The following PHKG1 variants were observed in gnomAD, a reference collection of about 807,000 sequenced individuals.
The protein encoded by PHKG1 is phosphorylase b kinase gamma catalytic chain, skeletal muscle/heart isoform.
PHKG1 carries 48 observed loss-of-function variants against 50.5 expected under a neutral mutation model. The observed-to-expected ratio is 0.95, with a 90% CI of 0.75 to 1.21. PHKG1 has a LOEUF of 1.21. Ranked by LOEUF, PHKG1 falls within the 50% of genes most tolerant of loss-of-function variation. PHKG1 has a pLI of 0.00. For synonymous variants in PHKG1, 204 were observed against 212.8 expected (o/e 0.96, Z 0.36); for missense variants, 487 against 519.5 (o/e 0.94, Z 0.61).
chr7:56,085,055 G>GGT lies in PHKG1; in HGVS notation c.318-1342_318-1341dup, dbSNP rs1796195959. On this transcript the variant is annotated intron_variant, in intron 4 of 9. Coordinates refer to ENST00000297373, the MANE Select transcript of PHKG1 (RefSeq NM_006213.5). ...AGCTAACTGCAACCTCTGCTTCCTG[G>GGT]GTTCATGCCATTCTTGTGCCTCATC... 2.0e-5 allele frequency among the ~76,000 whole-genome samples: 3 copies of GGT among 152,086 alleles called. No individual in the cohort carries two copies. The South Asian group carries it at 6.2e-4, about 32-fold the overall frequency.
Position 56,081,943 on chromosome 7 carries a change from G to C in PHKG1, c.742C>G (p.Gln248Glu). 6.2e-7 allele frequency: 1 copy of C among 1,613,890 alleles called. No homozygotes were observed. Among genetic ancestry groups the C allele is most frequent in the Non-Finnish European group, 8.5e-7 (1 of 1,180,026 alleles). ...TCATCCCACTCGGGCGAGCCAAACTGGTAGTTGCCGCTCATGATCATCCTC... is the reference window on the plus strand; with the variant it reads ...TCATCCCACTCGGGCGAGCCAAACTCGTAGTTGCCGCTCATGATCATCCTC... Reference protein sequence around the residue: ...MLRMIMSGNYQFGSPEWDDYS... With the variant: ...MLRMIMSGNYEFGSPEWDDYS... The change falls in exon 8 of 10, where the codon CAG becomes GAG. Residue 248 changes from glutamine to glutamate, a missense_variant. Coordinates refer to ENST00000297373, the MANE Select transcript of PHKG1 (RefSeq NM_006213.5). This position sits in a 1 kb window ranked among gnomAD's most constrained non-coding sequence, Gnocchi z 4.6.
intron 4 of PHKG1, among the ~76,000 whole-genome samples, chr7:56,084,954 C>G (rs1385793080): frequency 6.6e-6 from 1 of 152,116 alleles, no homozygotes; most frequent in East Asian, 1.9e-4. Flanking sequence ...GTCGAGACAG[C>G]TGCAGCTGGT....
intron 1 of PHKG1, among the ~76,000 whole-genome samples, chr7:56,091,040 C>T (rs1796475842): frequency 6.6e-6 from 1 of 151,614 alleles, no homozygotes; most frequent in Non-Finnish European, 1.5e-5. Flanking sequence ...GGCGAGACCC[C>T]ATCTCCGCAA....
chr7:56,082,430 T>C (rs1019675121), intron 6 of PHKG1, among the ~76,000 whole-genome samples, 177 bp from the exon 7 acceptor site: 2 of 151,924 alleles, frequency 1.3e-5, no homozygotes, highest in Non-Finnish European at 2.9e-5. Context: ...CCATCTCTAC[T>C]AAAAATACAA....
intron 2 of PHKG1, among the ~76,000 whole-genome samples, chr7:56,088,343 G>GT (rs1796354137): frequency 8.3e-6 from 1 of 119,962 alleles, no homozygotes; most frequent in South Asian, 2.8e-4. Flanking sequence ...ACTGTGCCTG[G>GT]CCCCCCCTTT....
At chr7:56,091,238 TG>T (rs962817234) in intron 1 of PHKG1, among the ~76,000 whole-genome samples, 1 of 139,722 alleles carries the variant, frequency 7.2e-6, no homozygotes, top group African/African-American at 2.7e-5. Flanking sequence ...CAAAACAGGC[TG>T]GGCGCAGTGG....
rs1189975809 is a variant in PHKG1 at position 56,083,343 on chromosome 7, T to A, written c.482A>T (p.Asn161Ile). The A allele has an allele frequency of 6.2e-7, 1 of 1,614,140 alleles. No individual in the cohort carries two copies. The highest frequency in any genetic ancestry group is 1.3e-5 in the African/African-American group (1 of 75,052). ...LKPENILLDD[N>I]MNIKLTDFGF... ...AAAGTCTGTGAGCTTGATGTTCATG[T>A]TGTCATCCAAGAGAATGTTCTCGGG... The change falls in exon 6 of 10, where the codon AAC (asparagine) becomes ATC (isoleucine). Residue 161 changes from asparagine (N) to isoleucine (I), a missense_variant. Physicochemically the swap from Asn to Ile is moderately radical, Grantham distance 149. Coordinates refer to ENST00000297373, the MANE Select transcript of PHKG1 (RefSeq NM_006213.5).
rs372823387 is a variant in PHKG1, at chr7:56,081,958, T to C, written c.727A>G (p.Met243Val). 2.5e-6 allele frequency: 4 copies of C among 1,613,936 alleles called. No individual in the cohort carries two copies. Among genetic ancestry groups the C allele is most frequent in the East Asian group, 4.5e-5 (2 of 44,866 alleles). ...RKQMLMLRMI[M>V]SGNYQFGSPE... is the part of the protein sequence containing the mutation. Reference sequence around the variant, plus strand: ...GAGCCAAACTGGTAGTTGCCGCTCATGATCATCCTCAGCATCAGCATCTGC... The same window carrying C: ...GAGCCAAACTGGTAGTTGCCGCTCACGATCATCCTCAGCATCAGCATCTGC... Residue 243 changes from methionine (M) to valine (V), a missense_variant, in exon 8 of 10, where the codon ATG (methionine) becomes GTG (valine). Transcript: ENST00000297373. This position sits in a 1 kb window ranked among gnomAD's most constrained non-coding sequence, Gnocchi z 4.6.
intron 1 of PHKG1, among the ~76,000 whole-genome samples, chr7:56,090,006 T>C (rs893822634): frequency 6.6e-5 from 10 of 152,126 alleles, no homozygotes; most frequent in Non-Finnish European, 1.3e-4. Flanking sequence ...CCTCTCCTTA[T>C]CTCCCCTTGT....
At chr7:56,087,576 G>A (rs372808453) in intron 3 of PHKG1, 22 bp downstream of exon 3, 2 of 1,602,520 alleles carry the variant, frequency 1.2e-6, no homozygotes, top group African/African-American at 2.7e-5. Flanking sequence ...ACCCTGCCGT[G>A]TGGCTTGGGG....
intron 2 of PHKG1, among the ~76,000 whole-genome samples, chr7:56,088,122 C>G (rs1270274727): frequency 6.6e-6 from 1 of 150,726 alleles, no homozygotes; most frequent in Non-Finnish European, 1.5e-5. Flanking sequence ...GCAACCTCCA[C>G]CTCCCGGGTT....
At chr7:56,084,369 G>GTT in intron 4 of PHKG1, 1 of 473,424 alleles carries the variant, frequency 2.1e-6, no homozygotes. Context: ...TGAGTATCCC[G>GTT]ATTTTTTTTT....
At chr7:56,091,278 A>G (rs1042407288) in intron 1 of PHKG1, among the ~76,000 whole-genome samples, 1 of 152,088 alleles carries the variant, frequency 6.6e-6, no homozygotes, top group African/African-American at 2.4e-5. Flanking sequence ...GCACTTTGGG[A>G]GGCCGAGGCA....
At chr7:56,088,480 A>G (rs1215509949) in intron 2 of PHKG1, 1 of 154,942 alleles carries the variant, frequency 6.5e-6, no homozygotes, top group Non-Finnish European at 1.4e-5. Flanking sequence ...AGTCAAGATC[A>G]TGCCACTGTA....
chr7:56,083,746 G>C (rs368370335), intron 4 of PHKG1, 31 bp from the exon 5 acceptor site: 1 of 1,476,632 alleles, frequency 6.8e-7, no homozygotes, highest in Admixed American at 1.9e-5. Flanking sequence ...TAGCTGGATC[G>C]GTCCCAAGAC....
intron 3 of PHKG1, 66 bp from the exon 4 acceptor site, chr7:56,087,090 G>T: frequency 8.0e-7 from 1 of 1,248,370 alleles, no homozygotes; most frequent in Admixed American, 1.7e-5. Flanking sequence ...GCCGGGGCAC[G>T]GGGGTCAGGG....
chr7:56,081,138 C>A lies in PHKG1; in HGVS notation c.1080G>T (p.Lys360Asn), dbSNP rs764456478. The A allele has an allele frequency of 6.2e-7, 1 of 1,613,890 alleles. No individual in the cohort carries two copies. Among genetic ancestry groups the A allele is most frequent in the South Asian group, 1.1e-5 (1 of 91,070 alleles). ...YAFRIYGHWV[K>N]KGQQQNRAAL... ...CTGCCCGGTTCTGCTGCTGCCCCTT[C>A]TTCACCCAGTGGCCATAGATTCGGA... The change falls in exon 10 of 10, where the codon AAG becomes AAT. Residue 360 changes from lysine (K) to asparagine (N), a missense_variant. Coordinates refer to ENST00000297373, the MANE Select transcript of PHKG1 (RefSeq NM_006213.5). The surrounding 1 kb of genome is among the most constrained non-coding windows in gnomAD (Gnocchi z 4.6).
chr7:56,092,005 T>G (rs1301576084), intron 1 of PHKG1, among the ~76,000 whole-genome samples: 1 of 152,098 alleles, frequency 6.6e-6, no homozygotes, highest in African/African-American at 2.4e-5. Flanking sequence ...TAGCGCTAGC[T>G]CTCTCCTCTC....
chr7:56,089,350 A>C (rs1796397713), intron 1 of PHKG1, among the ~76,000 whole-genome samples: 2 of 149,908 alleles, frequency 1.3e-5, no homozygotes, highest in Admixed American at 1.3e-4. Flanking sequence ...CAGTGAGCCG[A>C]GATCGCATCA....
Sources: gnomAD v4.1 joint callset for allele counts (sites outside exome capture counted in the v4.1 genomes callset) on GRCh38, gnomAD v4.1.1 for gene constraint, Gnocchi (gnomAD v3.1) non-coding constraint, MANE v1.5 for transcripts, NCBI Gene and HGNC (gene_info 2026-07-23, HGNC 2026-07-21) for gene names.